Variants in ZNRF1 observed in about 807,000 individuals in gnomAD.
ZNRF1 encodes zinc and ring finger 1.
ZNRF1 carries 3 observed loss-of-function variants against 18.4 expected under a neutral mutation model. That is an observed-to-expected ratio of 0.16 (90% confidence interval 0.07 to 0.42). ZNRF1 has a LOEUF of 0.42. ZNRF1 is among the 10% of genes least tolerant of loss of function. ZNRF1 has a pLI of 0.99. For synonymous variants in ZNRF1, 157 were observed against 144.2 expected, an observed-to-expected ratio of 1.09 and a Z score of -0.64; for missense variants, 310 against 329.8, an observed-to-expected ratio of 0.94 and a Z score of 0.47.
Position 75,025,354 on chromosome 16 carries a change from C to T in ZNRF1, c.424+25259C>T, listed in dbSNP as rs145480774. Among the ~76,000 whole-genome samples the T allele has an allele frequency of 3.3e-3, 506 of 152,304 alleles. 2 individuals are homozygous for T. Among genetic ancestry groups the T allele is most frequent in the African/African-American group, 0.012 (487 of 41,566 alleles). ...AAGTGCTGGGATTACAGGACTGAGCCACCACGCCTGGCCTATTTTATTTTG... is the reference window on the plus strand; with the variant it reads ...AAGTGCTGGGATTACAGGACTGAGCTACCACGCCTGGCCTATTTTATTTTG... On this transcript the variant is annotated intron_variant, in intron 1 of 4. Transcript: ENST00000335325.
chr16:75,045,027 C>T (rs1048645484), intron 1 of ZNRF1, among the ~76,000 whole-genome samples: 2 of 152,140 alleles, frequency 1.3e-5, no homozygotes, highest in Admixed American at 6.5e-5. Context: ...TGTCCTTTTT[C>T]TGTAATGTGG....
chr16:75,028,839 C>T (rs1006879074), intron 1 of ZNRF1, among the ~76,000 whole-genome samples: 1 of 152,230 alleles, frequency 6.6e-6, no homozygotes, highest in Non-Finnish European at 1.5e-5. Flanking sequence ...CCCCTTGAAA[C>T]ACTGTCTTCA....
intron 1 of ZNRF1, among the ~76,000 whole-genome samples, chr16:75,017,085 A>G (rs1370211437): frequency 6.6e-6 from 1 of 152,204 alleles, no homozygotes; most frequent in African/African-American, 2.4e-5. Context: ...TGCACAAACA[A>G]TAACATTTCC....
rs965007986 is a variant in ZNRF1, at chr16:74,999,940, G to A, written c.269G>A (p.Gly90Glu). 21 of 1,568,412 alleles carry A rather than the reference G, an allele frequency of 1.3e-5. No individual in the cohort carries two copies. The highest frequency in any genetic ancestry group is 1.7e-5 in the Non-Finnish European group (20 of 1,158,094). Reference protein sequence around the residue: ...GDSERAPGGGGSASDSTYAHG... With the variant: ...GDSERAPGGGESASDSTYAHG... ...TCCGAGAGGGCGCCCGGCGGCGGAG[G>A]GTCTGCGTCCGACTCCACCTATGCC... The change falls in exon 1 of 5, where the codon GGG (glycine) becomes GAG (glutamate). Residue 90 changes from glycine (G) to glutamate (E), a missense_variant. Gly to Glu is a moderately conservative substitution (Grantham distance 98). Coordinates refer to ENST00000335325, the MANE Select transcript of ZNRF1 (RefSeq NM_032268.5).
At chr16:75,008,758 A>G (rs775643135) in intron 1 of ZNRF1, among the ~76,000 whole-genome samples, 5 of 152,148 alleles carry the variant, frequency 3.3e-5, no homozygotes, top group Non-Finnish European at 7.4e-5. Flanking sequence ...GAGTCTGAAT[A>G]TTTTAGCTTC....
At chr16:75,073,264 T>C (rs1270816872) in intron 1 of ZNRF1, among the ~76,000 whole-genome samples, 3 of 152,084 alleles carry the variant, frequency 2.0e-5, no homozygotes, top group Non-Finnish European at 4.4e-5. Context: ...ATTTTTTTTT[T>C]CACAATTGTT....
At chr16:75,049,688 T>G (rs1370498424) in intron 1 of ZNRF1, among the ~76,000 whole-genome samples, 1 of 152,238 alleles carries the variant, frequency 6.6e-6, no homozygotes, top group Non-Finnish European at 1.5e-5. Context: ...ACAGTAAGAC[T>G]AGCCCACAGA....
chr16:75,020,196 T>A lies in ZNRF1; in HGVS notation c.424+20101T>A, dbSNP rs139425983. On this transcript the variant is annotated intron_variant, in intron 1 of 4. Coordinates refer to ENST00000335325, the MANE Select transcript of ZNRF1 (RefSeq NM_032268.5). ...TCCCTAACAGTACTTTTTCTCATGG[T>A]CTTTTTTTGTCTGGTATTAATGTCA... Among the ~76,000 whole-genome samples, 239 of 152,304 alleles carry A rather than the reference T, an allele frequency of 1.6e-3. 1 individual carries two copies. The highest frequency in any genetic ancestry group is 4.1e-3 in the South Asian group (20 of 4,830).
At chr16:75,014,759 A>C (rs1488195216) in intron 1 of ZNRF1, among the ~76,000 whole-genome samples, 1 of 152,122 alleles carries the variant, frequency 6.6e-6, no homozygotes, top group Non-Finnish European at 1.5e-5. Context: ...TACACTCCTG[A>C]AATAACATAT....
intron 1 of ZNRF1, among the ~76,000 whole-genome samples, chr16:75,015,921 C>CTTT (rs368763105): frequency 2.9e-5 from 4 of 137,432 alleles, no homozygotes; most frequent in African/African-American, 8.1e-5. Flanking sequence ...CTTTTCTTTT[C>CTTT]TTTTTTTTTT....
chr16:75,077,823 C>A (rs2035960951), intron 1 of ZNRF1, among the ~76,000 whole-genome samples: 1 of 152,174 alleles, frequency 6.6e-6, no homozygotes, highest in African/African-American at 2.4e-5. Flanking sequence ...CCTCTAACTT[C>A]AAAGCTAATG....
chr16:75,005,759 A>G (rs1394099581), intron 1 of ZNRF1, among the ~76,000 whole-genome samples: 1 of 152,216 alleles, frequency 6.6e-6, no homozygotes, highest in Non-Finnish European at 1.5e-5. Flanking sequence ...TTATAACAAT[A>G]TACTGTGATA....
chr16:75,060,970 G>A (rs1005969682), intron 1 of ZNRF1, among the ~76,000 whole-genome samples: 5 of 152,072 alleles, frequency 3.3e-5, no homozygotes, highest in African/African-American at 9.7e-5. Flanking sequence ...GGACACTAAC[G>A]AATTCAGATC....
chr16:75,062,587 C>T (rs73614060), intron 1 of ZNRF1, among the ~76,000 whole-genome samples: 3,558 of 152,328 alleles, frequency 0.023, 162 homozygotes, highest in African/African-American at 0.082. Context: ...GCAGGGACGC[C>T]CCCTTATCAG....
At chr16:75,032,232 C>T (rs538236471) in intron 1 of ZNRF1, among the ~76,000 whole-genome samples, 32 of 151,328 alleles carry the variant, frequency 2.1e-4, no homozygotes, top group African/African-American at 6.8e-4. Context: ...GCCTTAGCCT[C>T]CTGAGTAGCT....
At chr16:75,100,026 C>T (rs1252311538) in intron 2 of ZNRF1, among the ~76,000 whole-genome samples, 6 of 152,310 alleles carry the variant, frequency 3.9e-5, no homozygotes, top group Non-Finnish European at 2.9e-5. Context: ...ATGCTGCTCC[C>T]TGGGCACTGG....
intron 1 of ZNRF1, among the ~76,000 whole-genome samples, chr16:75,001,797 A>G (rs749948690): frequency 4.6e-5 from 7 of 152,154 alleles, no homozygotes; most frequent in Non-Finnish European, 1.0e-4. Flanking sequence ...AAATTTATTT[A>G]TTATGCTACT....
chr16:75,077,344 CCAA>C (rs1413684450), intron 1 of ZNRF1, among the ~76,000 whole-genome samples: 2 of 152,174 alleles, frequency 1.3e-5, no homozygotes, highest in African/African-American at 4.8e-5. Flanking sequence ...ACCAGCCTGA[CCAA>C]CATGTACAAA....
At chr16:75,106,731 G>T in intron 4 of ZNRF1, 160 bp downstream of exon 4, 1 of 599,838 alleles carries the variant, frequency 1.7e-6, no homozygotes. Context: ...ATCCGGAAAT[G>T]ATTTTCCCTG....
Sources: allele counts gnomAD v4.1 joint callset (sites outside exome capture counted in the v4.1 genomes callset), GRCh38; gene constraint gnomAD v4.1.1; transcripts MANE v1.5; gene names NCBI Gene and HGNC (gene_info 2026-07-23, HGNC 2026-07-21).